The following SHANK2 variants were observed in gnomAD, a reference collection of about 807,000 sequenced individuals.
SHANK2 encodes the protein SH3 and multiple ankyrin repeat domains protein 2.
In SHANK2, 43 loss-of-function variants were observed where a neutral mutation model predicts 133.7. The observed-to-expected ratio is 0.32, with a 90% CI of 0.25 to 0.41. SHANK2 has a LOEUF of 0.41. Ranked by LOEUF, SHANK2 falls within the 10% of genes least tolerant of loss-of-function variation. The probability of loss-of-function intolerance (pLI) is 1.00; values close to 1 mark genes in which losing one functional copy is unlikely to be tolerated. For missense variants in SHANK2, 1,994 were observed against 2,235.8 expected (o/e 0.89, Z 2.18); for synonymous variants, 1,017 against 952.8 (o/e 1.07, Z -1.24).
chr11:70,482,184 C>T (rs1310746121), intron 25 of SHANK2, among the ~76,000 whole-genome samples: 7 of 152,252 alleles, frequency 4.6e-5, no homozygotes, highest in African/African-American at 1.7e-4. Context: ...TGTTTCTAGT[C>T]CAACTCTGAG....
At chr11:70,917,639 T>C (rs1452899092) in intron 10 of SHANK2, among the ~76,000 whole-genome samples, 1 of 152,116 alleles carries the variant, frequency 6.6e-6, no homozygotes, top group African/African-American at 2.4e-5. Context: ...ATCAAGAAAA[T>C]GTGGTACATA....
rs1293906265 is a variant in SHANK2 at position 71,071,036 on chromosome 11, C to T, written c.1029+4123G>A. On this transcript the variant is annotated intron_variant, in intron 9 of 25. Coordinates refer to ENST00000601538, the MANE Select transcript of SHANK2 (RefSeq NM_012309.5). ...TTCTAATCAGAAAGAAACATCAACA[C>T]TTTCAAATACCATCTTGTCCACAAT... 3.3e-5 allele frequency among the ~76,000 whole-genome samples: 5 copies of T among 152,250 alleles called. No homozygotes were observed. In the East Asian group the frequency reaches 9.6e-4, roughly 29 times the overall value.
chr11:71,218,133 T>C (rs1954452568), intron 2 of SHANK2, among the ~76,000 whole-genome samples: 1 of 152,122 alleles, frequency 6.6e-6, no homozygotes, highest in African/African-American at 2.4e-5. Context: ...GTGCTGGCAT[T>C]ACAGGCATGA....
chr11:71,172,523 G>A (rs1953336232), intron 2 of SHANK2, among the ~76,000 whole-genome samples: 1 of 150,948 alleles, frequency 6.6e-6, no homozygotes. Flanking sequence ...GCTTGAACCC[G>A]GGAGGCAGAG....
At chr11:71,241,712 T>C (rs1954895312) in intron 1 of SHANK2, among the ~76,000 whole-genome samples, 1 of 152,038 alleles carries the variant, frequency 6.6e-6, no homozygotes, top group African/African-American at 2.4e-5. Flanking sequence ...ACACCAGACA[T>C]GGGAAGGAGT....
chr11:70,483,437 G>A (rs2058761049), intron 25 of SHANK2, among the ~76,000 whole-genome samples: 1 of 150,066 alleles, frequency 6.7e-6, no homozygotes, highest in African/African-American at 2.5e-5. Context: ...AGTGACTCAT[G>A]CCTGCAATCC....
intron 14 of SHANK2, among the ~76,000 whole-genome samples, chr11:70,780,694 T>A (rs967649376): frequency 1.3e-5 from 2 of 150,968 alleles, no homozygotes; most frequent in African/African-American, 4.9e-5. Flanking sequence ...TGCCTCAGCC[T>A]CCCGAGTAGC....
chr11:70,530,762 G>A (rs1565101980), intron 17 of SHANK2, among the ~76,000 whole-genome samples: 4 of 152,230 alleles, frequency 2.6e-5, no homozygotes, highest in East Asian at 1.9e-4. Context: ...TGTTTACTGG[G>A]GACGGAGTTT....
At chr11:70,883,136 C>G (rs562053054) in intron 11 of SHANK2, among the ~76,000 whole-genome samples, 238 of 152,264 alleles carry the variant, frequency 1.6e-3, no homozygotes, top group Non-Finnish European at 3.0e-3. Flanking sequence ...GGATCCTCAT[C>G]CTCCTGCGCC....
At chr11:70,764,139 A>C (rs1021040956) in intron 14 of SHANK2, among the ~76,000 whole-genome samples, 1 of 96,412 alleles carries the variant, frequency 1.0e-5, no homozygotes, top group Non-Finnish European at 1.9e-5. Flanking sequence ...GCCTTCCTTT[A>C]TCTCTTCCTT....
At chr11:71,193,402 G>A (rs1170596783) in intron 2 of SHANK2, among the ~76,000 whole-genome samples, 1 of 152,148 alleles carries the variant, frequency 6.6e-6, no homozygotes, top group Non-Finnish European at 1.5e-5. Flanking sequence ...CTCATTTCCT[G>A]GGCTCCACTA....
At chr11:70,849,781 C>A (rs992530298) in intron 11 of SHANK2, among the ~76,000 whole-genome samples, 1 of 152,122 alleles carries the variant, frequency 6.6e-6, no homozygotes, top group Non-Finnish European at 1.5e-5. Flanking sequence ...GGATGGTGAT[C>A]TGGGGTCCAT....
chr11:70,532,086 G>C (rs1046715137), intron 17 of SHANK2, among the ~76,000 whole-genome samples: 1 of 152,122 alleles, frequency 6.6e-6, no homozygotes, highest in African/African-American at 2.4e-5. Flanking sequence ...GAGGCCCAAG[G>C]AAACAAATCT....
Position 70,820,770 on chromosome 11 carries a change from TGC to T in SHANK2, c.1175-90_1175-89del, listed in dbSNP as rs782281204. ...GACCCTAGGGAGGTGCAGGCCTGCG[TGC>T]GTCCAAGCCCCCATGCGAGCCCAGC... On this transcript the variant is annotated intron_variant, in intron 11 of 25. Transcript: ENST00000601538. 8.0e-4 allele frequency: 474 copies of T among 589,256 alleles called. 3 individuals carry two copies. The highest frequency in any genetic ancestry group is 4.9e-3 in the Middle Eastern group (15 of 3,086). The allele number at this position is 589,256 out of a possible 1,614,324, so 36.5% of individuals were successfully genotyped here. A position where few individuals can be genotyped will look rare whatever the true frequency, so the allele number is the denominator to read the frequency against.
intron 19 of SHANK2, 45 bp downstream of exon 19, chr11:70,502,161 A>C: frequency 6.5e-7 from 1 of 1,540,476 alleles, no homozygotes. Context: ...CAGCTCAGGG[A>C]CCGGCATGGT....
chr11:71,118,800 C>T (rs1952029266), intron 4 of SHANK2, 29 bp downstream of exon 4: 1 of 1,504,004 alleles, frequency 6.6e-7, no homozygotes. Flanking sequence ...GACACAACCA[C>T]AGTCCATGCA....
chr11:71,210,864 G>A (rs562389954), intron 2 of SHANK2, among the ~76,000 whole-genome samples: 1 of 152,310 alleles, frequency 6.6e-6, no homozygotes, highest in Non-Finnish European at 1.5e-5. Context: ...CATCTTGGGG[G>A]CAGTGAAGAG....
chr11:70,718,450 G>T (rs1322673950), intron 14 of SHANK2, among the ~76,000 whole-genome samples: 3 of 147,818 alleles, frequency 2.0e-5, no homozygotes, highest in Non-Finnish European at 4.4e-5. Flanking sequence ...GGGGCTTGGG[G>T]CATCAGGAGG....
In SHANK2 at chr11:70,500,374, CACAGACAGAAGCCAA is replaced by C. The variant is rs1398831446; in HGVS notation, c.2308+181_2308+195del. Among the ~76,000 whole-genome samples the C allele has an allele frequency of 2.0e-5, 3 of 152,164 alleles. No homozygotes were observed. Among genetic ancestry groups the C allele is most frequent in the East Asian group, 3.9e-4 (2 of 5,156 alleles). On this transcript the variant is annotated intron_variant, in intron 21 of 25. Transcript: ENST00000601538. This position sits in a 1 kb window ranked among gnomAD's most constrained non-coding sequence, Gnocchi z 4.5. ...AGAAACACAGGACACGCTGGGGAAT[CACAGACAGAAGCCAA>C]GCAGAAAGAACAGACAGATGAATGT... is the stretch of plus-strand genomic sequence containing the variant.
Sources: allele counts gnomAD v4.1 joint callset (sites outside exome capture counted in the v4.1 genomes callset), GRCh38; gene constraint gnomAD v4.1.1; non-coding constraint Gnocchi (gnomAD v3.1); transcripts MANE v1.5; gene names NCBI Gene and HGNC (gene_info 2026-07-23, HGNC 2026-07-21).